The following CEP164 variants were observed in gnomAD, a reference collection of about 807,000 sequenced individuals.
CEP164 encodes centrosomal protein 164.
Under a neutral mutation model 182.7 loss-of-function variants are expected in CEP164, and 162 were observed. The ratio of observed to expected loss-of-function variants is 0.89; its 90% CI spans 0.78 to 1.01. The LOEUF is 1.01. Among genes scored for constraint, CEP164 ranks in the 50% least tolerant of loss-of-function variants. CEP164 has a pLI of 0.00. For synonymous variants in CEP164, 661 were observed against 690.0 expected (o/e 0.96, Z 0.66); for missense variants, 1,735 against 1,790.4 (o/e 0.97, Z 0.56).
At chr11:117,377,256 C>T (rs1447689136) in intron 11 of CEP164, among the ~76,000 whole-genome samples, 1 of 152,196 alleles carries the variant, frequency 6.6e-6, no homozygotes, top group Non-Finnish European at 1.5e-5. Flanking sequence ...CTTGCATGCA[C>T]AGATCACGAT....
intron 1 of CEP164, among the ~76,000 whole-genome samples, chr11:117,334,798 A>AG (rs1370727373): frequency 6.6e-6 from 1 of 151,826 alleles, no homozygotes; most frequent in Non-Finnish European, 1.5e-5. Flanking sequence ...AAAAAAAAAA[A>AG]AAAAAGGTAA....
intron 14 of CEP164, 93 bp downstream of exon 14, chr11:117,383,035 C>G: frequency 7.1e-7 from 1 of 1,418,204 alleles, no homozygotes; most frequent in Admixed American, 2.2e-5. Context: ...AGGTGGGGCT[C>G]AGGCTCTGGC....
In CEP164 at chr11:117,394,882, C is replaced by T; in HGVS notation, c.2761-38C>T. 1 of 1,601,732 alleles carries T rather than the reference C, an allele frequency of 6.2e-7. No homozygotes were observed. Among genetic ancestry groups the T allele is most frequent in the Non-Finnish European group, 8.6e-7 (1 of 1,169,282 alleles). On this transcript the variant is annotated intron_variant, in intron 21 of 32. Transcript: ENST00000278935. The surrounding 1 kb of genome is among the most constrained non-coding windows in gnomAD (Gnocchi z 4.0). The stretch of plus-strand genomic sequence containing the variant: ...CTCCTGCCCCTCAGCTAATGCCTTA[C>T]ACTCTTTCTATGCTTATGTGTTTCC...
chr11:117,381,798 G>A lies in CEP164; in HGVS notation c.1507G>A (p.Glu503Lys), dbSNP rs763864742. The change falls in exon 13 of 33, where the codon GAG becomes AAG. Residue 503 changes from glutamate (E) to lysine (K), a missense_variant. Physicochemically the swap from Glu to Lys is moderately conservative, Grantham distance 56 (BLOSUM62 1). Coordinates refer to ENST00000278935, the MANE Select transcript of CEP164 (RefSeq NM_014956.5). ...TCCCCAGGGCCCCGAGGGGCAGCCC[G>A]AGTGGAAGGAGGCAGAGGAGCTTGG... is the stretch of plus-strand genomic sequence containing the variant. ...EPPQGPEGQP[E>K]WKEAEELGED... 173 of 1,568,774 alleles carry A rather than the reference G, an allele frequency of 1.1e-4. No homozygotes were observed. The highest frequency in any genetic ancestry group is 3.2e-4 in the Admixed American group (17 of 53,802).
At chr11:117,347,462 G>A (rs2070836485) in intron 4 of CEP164, among the ~76,000 whole-genome samples, 1 of 152,000 alleles carries the variant, frequency 6.6e-6, no homozygotes, top group Admixed American at 6.6e-5. Context: ...TGGAATCCCA[G>A]CACTTTGGGA....
chr11:117,410,593 TAAAAC>T lies in CEP164; in HGVS notation c.4097-232_4097-228del, dbSNP rs2047239876. The T allele has an allele frequency of 1.8e-5, 8 of 440,262 alleles. No individual in the cohort carries two copies. In the East Asian group the frequency reaches 2.6e-4, roughly 14 times the overall value. 27.3% of individuals were successfully genotyped at this position (440,262 alleles called of 1,614,324 possible). A position where few individuals can be genotyped will look rare whatever the true frequency, so the allele number is the denominator to read the frequency against. On this transcript the variant is annotated intron_variant, in intron 30 of 32. Transcript: ENST00000278935. ...CCCTGCTGAGGATTATGAAAAGCCA[TAAAAC>T]AAGGCATTTGAGGGGAAACAAAATA...
upstream of CEP164, among the ~76,000 whole-genome samples, chr11:117,326,247 G>A (rs998330781): frequency 6.6e-6 from 1 of 151,208 alleles, no homozygotes; most frequent in Admixed American, 6.6e-5. Flanking sequence ...TTTTTTAGAC[G>A]GAGTCTTGCT....
intron 27 of CEP164, among the ~76,000 whole-genome samples, chr11:117,401,890 C>CT (rs2046180126): frequency 6.6e-6 from 1 of 152,052 alleles, no homozygotes; most frequent in African/African-American, 2.4e-5. Context: ...GGATAGCAGT[C>CT]TATCTATTTT....
chr11:117,336,675 A>T, intron 2 of CEP164: 1 of 875,884 alleles, frequency 1.1e-6, no homozygotes, highest in Non-Finnish European at 1.9e-6. Flanking sequence ...CCTGGGCTTG[A>T]TGCGTTCTAC....
At chr11:117,367,958 G>T (rs375793989) in intron 8 of CEP164, among the ~76,000 whole-genome samples, 2 of 152,048 alleles carry the variant, frequency 1.3e-5, no homozygotes, top group African/African-American at 2.4e-5. Context: ...CTATATAACC[G>T]TGTAAAGTAA....
chr11:117,402,152 C>G (rs2046212400), intron 27 of CEP164, among the ~76,000 whole-genome samples: 1 of 151,984 alleles, frequency 6.6e-6, no homozygotes, highest in African/African-American at 2.4e-5. Flanking sequence ...AGCTGTGTCC[C>G]AGAGATTCTG....
intron 5 of CEP164, among the ~76,000 whole-genome samples, chr11:117,359,934 G>A (rs1242352893): frequency 6.6e-6 from 1 of 152,132 alleles, no homozygotes; most frequent in African/African-American, 2.4e-5. Flanking sequence ...TCTGTGAGTA[G>A]CGGGAGGTCT....
rs779722076 is a variant in CEP164, at chr11:117,361,931, T to A, written c.490T>A (p.Ser164Thr). The A allele has an allele frequency of 6.8e-6, 11 of 1,610,254 alleles. No individual in the cohort carries two copies. Among genetic ancestry groups the A allele is most frequent in the Non-Finnish European group, 9.3e-6 (11 of 1,179,086 alleles). The change falls in exon 6 of 33, where the codon TCT (serine) becomes ACT (threonine). Residue 164 changes from serine (S) to threonine (T), a missense_variant. Physicochemically the swap from Ser to Thr is moderately conservative, Grantham distance 58. Coordinates refer to ENST00000278935, the MANE Select transcript of CEP164 (RefSeq NM_014956.5). The stretch of plus-strand genomic sequence containing the variant: ...TACCCCACCCTCTGCTCTTCGTGGA[T>A]CTCAAAGCGTGAGCCTGGGGAGCTC... ...VDTPPSALRG[S>T]QSVSLGSSVE...
intron 2 of CEP164, among the ~76,000 whole-genome samples, chr11:117,337,111 A>G (rs2037275088): frequency 2.0e-5 from 3 of 152,138 alleles, no homozygotes. Context: ...GCCGTAACAC[A>G]ATACCGTAGA....
chr11:117,368,990 A>G (rs1341921104), intron 8 of CEP164, among the ~76,000 whole-genome samples: 1 of 152,116 alleles, frequency 6.6e-6, no homozygotes, highest in Non-Finnish European at 1.5e-5. Context: ...TGACAGTATC[A>G]CCACTGTGTC....
chr11:117,378,627 G>C (rs745310062), intron 11 of CEP164, among the ~76,000 whole-genome samples: 10 of 152,170 alleles, frequency 6.6e-5, no homozygotes, highest in Non-Finnish European at 1.3e-4. Context: ...ATGTGCGATT[G>C]TCTCCCCTTT....
At chr11:117,375,856 C>G (rs1410799948) in intron 11 of CEP164, 65 bp downstream of exon 11, 1 of 1,412,620 alleles carries the variant, frequency 7.1e-7, no homozygotes, top group African/African-American at 1.4e-5. Context: ...TTTCGGATGA[C>G]CCAGAACTGA....
At chr11:117,336,522 G>A in intron 2 of CEP164, 1 of 1,529,276 alleles carries the variant, frequency 6.5e-7, no homozygotes, top group East Asian at 2.3e-5. Context: ...AGGGGCCTGG[G>A]GGAAAGGGTG....
Position 117,408,874 on chromosome 11 carries a change from T to TA in CEP164, c.3610-16_3610-15insA. On this transcript the variant is annotated splice_polypyrimidine_tract_variant and intron_variant, in intron 28 of 32. Transcript: ENST00000278935. Reference sequence around the variant, plus strand: ...CGTGGGAGAGGTGGGTCATAACTGCTGACTTTACCCCACAGGCCTCAGATG... The same window carrying TA: ...CGTGGGAGAGGTGGGTCATAACTGCTAGACTTTACCCCACAGGCCTCAGATG... The TA allele has an allele frequency of 6.2e-7, 1 of 1,613,962 alleles. No individual in the cohort carries two copies. The highest frequency in any genetic ancestry group is 8.5e-7 in the Non-Finnish European group (1 of 1,179,938).
Sources: gnomAD v4.1 joint callset for allele counts (sites outside exome capture counted in the v4.1 genomes callset) on GRCh38, gnomAD v4.1.1 for gene constraint, Gnocchi (gnomAD v3.1) non-coding constraint, MANE v1.5 for transcripts, NCBI Gene and HGNC (gene_info 2026-07-23, HGNC 2026-07-21) for gene names.